Variants in SAMD3 observed in about 807,000 individuals in gnomAD.
SAMD3 encodes sterile alpha motif domain containing 3, also known as sterile alpha motif domain-containing protein 3.
Under a neutral mutation model 58.5 loss-of-function variants are expected in SAMD3, and 63 were observed. The observed-to-expected ratio is 1.08, with a 90% CI of 0.88 to 1.33. The LOEUF (loss-of-function observed/expected upper bound fraction) is 1.33. SAMD3 is among the 40% of genes most tolerant of loss of function. The pLI is 0.00. For missense variants in SAMD3, 604 were observed against 608.4 expected (o/e 0.99, Z 0.08); for synonymous variants, 220 against 210.3 (o/e 1.05, Z -0.40).
At chr6:130,312,846 A>C (rs1330506248) in intron 2 of SAMD3, 1 of 152,102 alleles carries the variant, frequency 6.6e-6, no homozygotes, top group African/African-American at 2.4e-5. Flanking sequence ...CTTTCATGTT[A>C]GACACTTTTT....
At chr6:130,171,825 A>G (rs1051816928) in intron 8 of SAMD3, among the ~76,000 whole-genome samples, 1 of 152,152 alleles carries the variant, frequency 6.6e-6, no homozygotes, top group East Asian at 1.9e-4. Flanking sequence ...GTCGCCTACT[A>G]TTATTGTGTG....
At chr6:130,282,279 T>A (rs1775008308) in intron 2 of SAMD3, among the ~76,000 whole-genome samples, 1 of 152,158 alleles carries the variant, frequency 6.6e-6, no homozygotes, top group Non-Finnish European at 1.5e-5. Context: ...CCTAAAGAGA[T>A]GGTAGTCTTA....
chr6:130,162,348 G>GT, intron 8 of SAMD3: 1 of 694,772 alleles, frequency 1.4e-6, no homozygotes, highest in Non-Finnish European at 2.6e-6. Flanking sequence ...TTTTGAAGTA[G>GT]TAAGACGGCA....
intron 2 of SAMD3, among the ~76,000 whole-genome samples, chr6:130,280,046 AC>A (rs1774927650): frequency 6.6e-6 from 1 of 152,160 alleles, no homozygotes; most frequent in African/African-American, 2.4e-5. Flanking sequence ...CTCAAAACAA[AC>A]TAAAACTTTG....
At chr6:130,265,760 A>T (rs957323531) in intron 2 of SAMD3, among the ~76,000 whole-genome samples, 1 of 136,556 alleles carries the variant, frequency 7.3e-6, no homozygotes, top group African/African-American at 2.8e-5. Flanking sequence ...GTAAAGTGTT[A>T]GCCAAAACAG....
At chr6:130,346,406 G>A (rs867745551) in intron 1 of SAMD3, among the ~76,000 whole-genome samples, 5 of 152,180 alleles carry the variant, frequency 3.3e-5, no homozygotes, top group African/African-American at 7.2e-5. Context: ...CTTAGCAAAC[G>A]GCACACCAGG....
chr6:130,271,886 A>T (rs1774576490), intron 2 of SAMD3, among the ~76,000 whole-genome samples: 1 of 152,152 alleles, frequency 6.6e-6, no homozygotes, highest in South Asian at 2.1e-4. Context: ...ATCTCATGAG[A>T]CTTATTCACT....
intron 8 of SAMD3, among the ~76,000 whole-genome samples, chr6:130,175,230 T>C (rs1477464024): frequency 6.6e-6 from 1 of 152,194 alleles, no homozygotes; most frequent in African/African-American, 2.4e-5. Flanking sequence ...TTCGGTGCTC[T>C]GAGGTAGAAA....
At position 130,254,994 on chromosome 6, in the gene SAMD3, G is replaced by A. The variant is rs144238756; in HGVS notation, c.-187-32181C>T. Among the ~76,000 whole-genome samples the A allele has an allele frequency of 1.9e-3, 296 of 152,146 alleles. 3 individuals are homozygous for A. The highest frequency in any genetic ancestry group is 6.9e-3 in the African/African-American group (285 of 41,518). ...GGCATTTCATAAGTTTTGGTATGTT[G>A]TGTTTCCATGTTTGTCTCAAGATAT... On this transcript the variant is annotated intron_variant, in intron 2 of 13. Coordinates refer to the SAMD3 transcript ENST00000368134.
intron 2 of SAMD3, among the ~76,000 whole-genome samples, chr6:130,270,109 T>C (rs776109906): frequency 6.6e-6 from 1 of 152,120 alleles, no homozygotes; most frequent in Non-Finnish European, 1.5e-5. Flanking sequence ...TGAGACAGAG[T>C]GTGACAGTGT....
rs555995062 is a variant in SAMD3, at chr6:130,321,746, C to T, written c.-303-8653G>A. ...AGAACAGCATCTTATATCTAGGGCC[C>T]GAAACACTGCCTGGCCAAGCTACGT... On this transcript the variant is annotated intron_variant, in intron 1 of 13. Coordinates refer to the SAMD3 transcript ENST00000368134. Among the ~76,000 whole-genome samples the T allele has an allele frequency of 2.6e-5, 4 of 151,528 alleles. No homozygotes were observed. In the South Asian group the frequency reaches 6.3e-4, roughly 24 times the overall value.
intron 2 of SAMD3, among the ~76,000 whole-genome samples, chr6:130,311,189 C>G (rs373535939): frequency 6.6e-6 from 1 of 152,130 alleles, no homozygotes; most frequent in Non-Finnish European, 1.5e-5. Flanking sequence ...ATAATTGAGC[C>G]TTTTCTATTG....
chr6:130,329,078 A>G (rs1353825958), intron 1 of SAMD3, among the ~76,000 whole-genome samples: 2 of 151,262 alleles, frequency 1.3e-5, no homozygotes, highest in African/African-American at 4.9e-5. Flanking sequence ...TCTATCACCT[A>G]TCTATTATCT....
At chr6:130,305,602 T>G (rs1330627717) in intron 2 of SAMD3, among the ~76,000 whole-genome samples, 2 of 152,196 alleles carry the variant, frequency 1.3e-5, no homozygotes, top group African/African-American at 4.8e-5. Flanking sequence ...ATAAGAATTT[T>G]AGTCATGAAT....
intron 1 of SAMD3, among the ~76,000 whole-genome samples, chr6:130,359,347 A>G (rs1298761415): frequency 2.6e-5 from 4 of 152,102 alleles, no homozygotes; most frequent in African/African-American, 4.8e-5. Context: ...GCCTCTGCCT[A>G]TTTCTCCTAT....
At chr6:130,173,669 T>G (rs1582791113) in intron 8 of SAMD3, among the ~76,000 whole-genome samples, 1 of 152,182 alleles carries the variant, frequency 6.6e-6, no homozygotes, top group African/African-American at 2.4e-5. Flanking sequence ...GGGACCCACT[T>G]GAGGAGGCAG....
At chr6:130,271,996 A>T (rs1439495384) in intron 2 of SAMD3, among the ~76,000 whole-genome samples, 1 of 152,200 alleles carries the variant, frequency 6.6e-6, no homozygotes, top group Non-Finnish European at 1.5e-5. Context: ...TCAAGGTAAG[A>T]TTTGGGTGGG....
At chr6:130,246,358 G>T (rs1773546522) in intron 2 of SAMD3, among the ~76,000 whole-genome samples, 1 of 152,128 alleles carries the variant, frequency 6.6e-6, no homozygotes, top group Non-Finnish European at 1.5e-5. Context: ...AGTATATCAA[G>T]TTGGAAGTGT....
downstream of SAMD3, chr6:130,143,666 G>A (rs188107267): frequency 2.0e-5 from 3 of 152,126 alleles, no homozygotes; most frequent in African/African-American, 7.2e-5. Context: ...TTCCCAAAAG[G>A]CCCTGGTCTA....
Sources: allele counts gnomAD v4.1 joint callset (sites outside exome capture counted in the v4.1 genomes callset), GRCh38; gene constraint gnomAD v4.1.1; transcripts MANE v1.5; gene names NCBI Gene and HGNC (gene_info 2026-07-23, HGNC 2026-07-21).